The following RABGEF1 variants were observed in gnomAD, a reference collection of about 807,000 sequenced individuals.
The protein encoded by RABGEF1 is RAB guanine nucleotide exchange factor 1.
Under a neutral mutation model 57.3 loss-of-function variants are expected in RABGEF1, and 26 were observed. The ratio of observed to expected loss-of-function variants is 0.45; its 90% confidence interval spans 0.33 to 0.63. RABGEF1 has a LOEUF of 0.63. Among genes scored for constraint, RABGEF1 ranks in the 20% least tolerant of loss-of-function variants. The pLI is 0.02. For missense variants in RABGEF1, 464 were observed against 607.6 expected, an observed-to-expected ratio of 0.76 and a Z score of 2.48; for synonymous variants, 185 against 210.7, an observed-to-expected ratio of 0.88 and a Z score of 1.06.
chr7:66,765,968 T>C (rs1805597785), intron 1 of RABGEF1, among the ~76,000 whole-genome samples: 1 of 152,210 alleles, frequency 6.6e-6, no homozygotes, highest in South Asian at 2.1e-4. Flanking sequence ...TTAAAAAAAC[T>C]TAATTGATCT....
At chr7:66,797,629 C>CT in intron 6 of RABGEF1, 123 bp downstream of exon 6, 1 of 1,099,890 alleles carries the variant, frequency 9.1e-7, no homozygotes, top group Non-Finnish European at 1.3e-6. Flanking sequence ...TTCCTGCTTC[C>CT]TTAGAGTGGA....
chr7:66,703,723 G>A (rs1176597245), intron 1 of RABGEF1, among the ~76,000 whole-genome samples: 1 of 152,084 alleles, frequency 6.6e-6, no homozygotes, highest in African/African-American at 2.4e-5. Flanking sequence ...TTTGAAATTG[G>A]GAAATTTGAG....
In RABGEF1 at chr7:66,710,997, G is replaced by A. The variant is rs117608556; in HGVS notation, c.-872-1170G>A. On this transcript the variant is annotated intron_variant and NMD_transcript_variant, in intron 1 of 9. Coordinates refer to the RABGEF1 transcript ENST00000607882. ...GTCACTACAAAAAAAAAATAATAAA[G>A]GAAATAAAAAAACTTAGCCAGGTAT... Among the ~76,000 whole-genome samples the A allele has an allele frequency of 1.0e-3, 152 of 151,822 alleles. 4 individuals carry two copies. In the East Asian group the frequency reaches 0.026, roughly 26 times the overall value.
At chr7:66,662,131 CAGG>C in the RABGEF1 span, among the ~76,000 whole-genome samples, 7 of 151,884 alleles carry the variant, frequency 4.6e-5, no homozygotes, top group East Asian at 1.2e-3. Flanking sequence ...CCCAGCTACT[CAGG>C]AGGCTGAGGC....
At chr7:66,754,003 CCA>C (rs1802103006) in intron 1 of RABGEF1, among the ~76,000 whole-genome samples, 1 of 147,976 alleles carries the variant, frequency 6.8e-6, no homozygotes, top group Non-Finnish European at 1.5e-5. Context: ...ACGTACTAGG[CCA>C]TTTTTTTTTT....
intron 2 of RABGEF1, among the ~76,000 whole-genome samples, chr7:66,714,716 A>G (rs1795165091): frequency 6.6e-6 from 1 of 152,164 alleles, no homozygotes; most frequent in Non-Finnish European, 1.5e-5. Context: ...CGGGCGGATC[A>G]TGAGGTCAGG....
At chr7:66,670,896 C>T in the RABGEF1 span, among the ~76,000 whole-genome samples, 135 of 133,228 alleles carry the variant, frequency 1.0e-3, 1 homozygote, top group African/African-American at 3.1e-3. Flanking sequence ...CATACGTATA[C>T]ACACACACAC....
chr7:66,658,573 C>T, the RABGEF1 span, among the ~76,000 whole-genome samples: 1 of 148,912 alleles, frequency 6.7e-6, no homozygotes, highest in East Asian at 2.0e-4. Flanking sequence ...TATGGGTAAA[C>T]GTATAACTAG....
Position 66,720,876 on chromosome 7 carries a change from C to CA in RABGEF1, c.-815+8655dup, listed in dbSNP as rs1351419121. 1.2e-4 allele frequency among the ~76,000 whole-genome samples: 18 copies of CA among 152,200 alleles called. 1 individual carries two copies. Among genetic ancestry groups the CA allele is most frequent in the African/African-American group, 4.3e-4 (18 of 41,520 alleles). ...TCAATTGAATTTCCATATGCTAGCT[C>CA]AAACAATGGGAACTGAAATTTTAAA... On this transcript the variant is annotated intron_variant and NMD_transcript_variant, in intron 2 of 9. Coordinates refer to the RABGEF1 transcript ENST00000607882.
chr7:66,762,718 A>C (rs113743274), intron 1 of RABGEF1, among the ~76,000 whole-genome samples: 6 of 152,064 alleles, frequency 3.9e-5, no homozygotes, highest in African/African-American at 9.7e-5. Context: ...CTCTCCTGCC[A>C]CCCCCGTCCC....
In RABGEF1 at chr7:66,773,567, G is replaced by C. The variant is rs188879322; in HGVS notation, c.179+1489G>C. 176 of 416,246 alleles carry C rather than the reference G, an allele frequency of 4.2e-4. No homozygotes were observed. The Admixed American group carries it at 4.3e-3, about 10-fold the overall frequency. 25.8% of individuals were successfully genotyped at this position (416,246 alleles called of 1,614,324 possible). ...TTAGTGGCTTGGGAGTAAGACTAGA[G>C]AATTTGCATTTCTGACAAGTTGCCT... On this transcript the variant is annotated intron_variant, in intron 2 of 8. Coordinates refer to ENST00000284957, the MANE Select transcript of RABGEF1 (RefSeq NM_014504.3).
At chr7:66,697,727 G>C (rs1792567892) in intron 1 of RABGEF1, among the ~76,000 whole-genome samples, 1 of 152,116 alleles carries the variant, frequency 6.6e-6, no homozygotes, top group East Asian at 1.9e-4. Flanking sequence ...CGAGGTGGGG[G>C]GTGTTCATGT....
intron 1 of RABGEF1, among the ~76,000 whole-genome samples, chr7:66,743,972 T>A (rs1799594893): frequency 6.6e-6 from 1 of 152,118 alleles, no homozygotes; most frequent in African/African-American, 2.4e-5. Context: ...CAGGCTGCTA[T>A]GTAGCTGATA....
chr7:66,659,038 A>T, the RABGEF1 span, among the ~76,000 whole-genome samples: 1 of 152,086 alleles, frequency 6.6e-6, no homozygotes, highest in African/African-American at 2.4e-5. Context: ...TGCCCGGCCG[A>T]GAAGGAAACA....
chr7:66,739,189 A>T (rs990359153), upstream of RABGEF1, among the ~76,000 whole-genome samples: 100 of 151,834 alleles, frequency 6.6e-4, no homozygotes, highest in African/African-American at 2.2e-3. Flanking sequence ...ACCTCAGGTG[A>T]TCTGCCCGCC....
intron 1 of RABGEF1, among the ~76,000 whole-genome samples, chr7:66,771,171 C>T (rs1807025334): frequency 6.6e-6 from 1 of 152,094 alleles, no homozygotes; most frequent in Non-Finnish European, 1.5e-5. Context: ...CAGAGTCTTG[C>T]TCTGTCACCC....
At chr7:66,731,080 G>T (rs763776728) in intron 2 of RABGEF1, among the ~76,000 whole-genome samples, 1 of 152,206 alleles carries the variant, frequency 6.6e-6, no homozygotes, top group Non-Finnish European at 1.5e-5. Context: ...CACATTTCAA[G>T]GGGGCACACA....
chr7:66,659,157 A>T, the RABGEF1 span, among the ~76,000 whole-genome samples: 2 of 152,182 alleles, frequency 1.3e-5, no homozygotes, highest in African/African-American at 4.8e-5. Context: ...AAAAATTCTC[A>T]AGAAGACACT....
intron 1 of RABGEF1, among the ~76,000 whole-genome samples, chr7:66,694,185 C>CA (rs1791977689): frequency 6.6e-6 from 1 of 152,220 alleles, no homozygotes; most frequent in Admixed American, 6.5e-5. Flanking sequence ...TCCTTGCTCT[C>CA]AAAGAGGTCC....
Sources: allele counts gnomAD v4.1 joint callset (sites outside exome capture counted in the v4.1 genomes callset), GRCh38; gene constraint gnomAD v4.1.1; transcripts MANE v1.5; gene names NCBI Gene and HGNC (gene_info 2026-07-23, HGNC 2026-07-21).